The following NOS1AP variants were observed in gnomAD, a reference collection of about 807,000 sequenced individuals.
NOS1AP encodes the protein nitric oxide synthase 1 adaptor protein, also known as carboxyl-terminal PDZ ligand of neuronal nitric oxide synthase protein.
In NOS1AP, 21 loss-of-function variants were observed where a neutral mutation model predicts 56.2. That is an observed-to-expected ratio of 0.37 (90% CI 0.26 to 0.54). The LOEUF (loss-of-function observed/expected upper bound fraction) is 0.54. Among genes scored for constraint, NOS1AP ranks in the 20% least tolerant of loss-of-function variants. The pLI, the probability that NOS1AP is intolerant of heterozygous loss-of-function variation, is 0.84. For missense variants in NOS1AP, 522 were observed against 657.8 expected (o/e 0.79, Z 2.26); for synonymous variants, 270 against 274.6 (o/e 0.98, Z 0.17).
chr1:162,152,536 G>A (rs1649760101), intron 1 of NOS1AP, among the ~76,000 whole-genome samples: 1 of 152,208 alleles, frequency 6.6e-6, no homozygotes, highest in South Asian at 2.1e-4. Context: ...AGCTCAGAAG[G>A]AAAAATGTAA....
chr1:162,215,803 G>A (rs1652549938), intron 2 of NOS1AP, among the ~76,000 whole-genome samples: 1 of 152,210 alleles, frequency 6.6e-6, no homozygotes, highest in African/African-American at 2.4e-5. Context: ...TAATCTTTCA[G>A]ATTTAAAGAT....
chr1:162,329,292 C>CT (rs1656688630), intron 4 of NOS1AP, among the ~76,000 whole-genome samples: 2 of 151,690 alleles, frequency 1.3e-5, no homozygotes, highest in African/African-American at 4.8e-5. Flanking sequence ...ACTCAGGAGG[C>CT]TGAAGCACAA....
At chr1:162,162,688 T>C (rs1053805932) in intron 2 of NOS1AP, among the ~76,000 whole-genome samples, 3 of 152,230 alleles carry the variant, frequency 2.0e-5, no homozygotes, top group African/African-American at 4.8e-5. Context: ...TTGTGTTTAA[T>C]TTATAAATTT....
chr1:162,366,972 C>A, intron 9 of NOS1AP, 80 bp from the exon 10 acceptor site: 1 of 1,554,842 alleles, frequency 6.4e-7, no homozygotes, highest in Non-Finnish European at 8.9e-7. Flanking sequence ...TGGCAGGGCA[C>A]GGGCGGGCAG....
intron 1 of NOS1AP, among the ~76,000 whole-genome samples, chr1:162,081,489 CA>C (rs1691884453): frequency 6.6e-6 from 1 of 150,640 alleles, no homozygotes; most frequent in Non-Finnish European, 1.5e-5. Context: ...ATTTCCTGTC[CA>C]GTGTGGCATT....
At chr1:162,315,959 C>A (rs139385220) in intron 4 of NOS1AP, among the ~76,000 whole-genome samples, 92 of 152,246 alleles carry the variant, frequency 6.0e-4, no homozygotes, top group African/African-American at 2.0e-3. Context: ...TCTTATCTAT[C>A]TTTGGGGCTC....
chr1:162,146,725 AT>A (rs1398513436), intron 1 of NOS1AP, among the ~76,000 whole-genome samples: 2 of 152,182 alleles, frequency 1.3e-5, no homozygotes, highest in African/African-American at 4.8e-5. Flanking sequence ...AATAGACTTT[AT>A]TTTTTAGAGA....
At chr1:162,272,835 A>T (rs1654624757) in intron 2 of NOS1AP, among the ~76,000 whole-genome samples, 1 of 152,062 alleles carries the variant, frequency 6.6e-6, no homozygotes, top group Admixed American at 6.6e-5. Context: ...GAAATGTTAG[A>T]GTTCTATATC....
At chr1:162,146,965 G>A (rs541660657) in intron 1 of NOS1AP, among the ~76,000 whole-genome samples, 1 of 152,194 alleles carries the variant, frequency 6.6e-6, no homozygotes, top group East Asian at 1.9e-4. Context: ...GTTACTTGTG[G>A]GAGGCTTAGT....
At position 162,086,315 on chromosome 1, in the gene NOS1AP, G is replaced by A. The variant is rs143102328; in HGVS notation, c.105+16033G>A. Among the ~76,000 whole-genome samples the A allele has an allele frequency of 3.4e-3, 512 of 152,260 alleles. 3 individuals carry two copies. Among genetic ancestry groups the A allele is most frequent in the African/African-American group, 0.012 (483 of 41,564 alleles). Reference sequence around the variant, plus strand: ...CTAGGAAGCTCATCCTGTACTGCAGGCACGAGGTGGTAGTGGTCGGAGCTA... The same window carrying A: ...CTAGGAAGCTCATCCTGTACTGCAGACACGAGGTGGTAGTGGTCGGAGCTA... On this transcript the variant is annotated intron_variant, in intron 1 of 9. Coordinates refer to ENST00000361897, the MANE Select transcript of NOS1AP (RefSeq NM_014697.3).
intron 2 of NOS1AP, among the ~76,000 whole-genome samples, chr1:162,169,165 C>T (rs1179988424): frequency 1.3e-5 from 2 of 152,246 alleles, no homozygotes; most frequent in African/African-American, 4.8e-5. Context: ...CTTTCCTTGC[C>T]AAATGACCCT....
intron 6 of NOS1AP, 128 bp downstream of exon 6, chr1:162,344,104 C>G (rs779983685): frequency 1.9e-6 from 2 of 1,031,298 alleles, no homozygotes; most frequent in Non-Finnish European, 3.0e-6. Flanking sequence ...CCGTTTCTCT[C>G]TAAATTCTAG....
At chr1:162,336,133 C>T (rs1468403499) in intron 5 of NOS1AP, among the ~76,000 whole-genome samples, 1 of 152,216 alleles carries the variant, frequency 6.6e-6, no homozygotes, top group Non-Finnish European at 1.5e-5. Context: ...CCTCATATTA[C>T]ATCAGATAAT....
At chr1:162,147,461 A>G (rs1283693180) in intron 1 of NOS1AP, among the ~76,000 whole-genome samples, 7 of 152,092 alleles carry the variant, frequency 4.6e-5, no homozygotes, top group Admixed American at 4.6e-4. Context: ...TAACAAGTCT[A>G]TGGATGGCAA....
chr1:162,289,148 C>G (rs1055709188), intron 3 of NOS1AP, among the ~76,000 whole-genome samples: 3 of 152,164 alleles, frequency 2.0e-5, no homozygotes, highest in Non-Finnish European at 4.4e-5. Flanking sequence ...CCCACCACCC[C>G]ACTACACATC....
intron 2 of NOS1AP, among the ~76,000 whole-genome samples, chr1:162,280,990 T>C (rs956164541): frequency 3.9e-5 from 6 of 152,202 alleles, no homozygotes; most frequent in African/African-American, 1.4e-4. Flanking sequence ...TCTGGTTCCA[T>C]AGGCATAAGA....
At chr1:162,075,406 G>T (rs1247730744) in intron 1 of NOS1AP, among the ~76,000 whole-genome samples, 1 of 152,214 alleles carries the variant, frequency 6.6e-6, no homozygotes, top group Non-Finnish European at 1.5e-5. Flanking sequence ...TGGTTTCCCT[G>T]ATGTGGATTT....
At chr1:162,152,008 A>G (rs568858089) in intron 1 of NOS1AP, among the ~76,000 whole-genome samples, 2 of 152,268 alleles carry the variant, frequency 1.3e-5, no homozygotes, top group African/African-American at 4.8e-5. Flanking sequence ...GCCCCTTGTT[A>G]GGAAGCCTTG....
At chr1:162,261,123 A>G in intron 2 of NOS1AP, among the ~76,000 whole-genome samples, 1 of 138,828 alleles carries the variant, frequency 7.2e-6, no homozygotes, top group African/African-American at 2.8e-5. Flanking sequence ...TTGGAGATAT[A>G]TATGTTCAGG....
Sources: gnomAD v4.1 joint callset for allele counts (sites outside exome capture counted in the v4.1 genomes callset) on GRCh38, gnomAD v4.1.1 for gene constraint, MANE v1.5 for transcripts, NCBI Gene and HGNC (gene_info 2026-07-23, HGNC 2026-07-21) for gene names.